Variants in TCERG1 observed in about 807,000 individuals in gnomAD.
The protein encoded by TCERG1 is transcription elongation regulator 1.
In TCERG1, 37 loss-of-function variants were observed where a neutral mutation model predicts 144.7. The ratio of observed to expected loss-of-function variants is 0.26; its 90% CI spans 0.20 to 0.34. The LOEUF (loss-of-function observed/expected upper bound fraction) is 0.34, where lower values mean the gene tolerates loss of function less well. Among genes scored for constraint, TCERG1 ranks in the 10% least tolerant of loss-of-function variants. The pLI, the probability that TCERG1 is intolerant of heterozygous loss-of-function variation, is 1.00. For synonymous variants in TCERG1, 492 were observed against 458.2 expected (o/e 1.07, Z -0.94); for missense variants, 1,027 against 1,380.7 (o/e 0.74, Z 4.06).
intron 1 of TCERG1, among the ~76,000 whole-genome samples, chr5:146,448,770 A>G (rs1762113216): frequency 6.6e-6 from 1 of 152,240 alleles, no homozygotes; most frequent in Non-Finnish European, 1.5e-5. Context: ...TACAGTATTA[A>G]TGAGTGATCA....
intron 15 of TCERG1, among the ~76,000 whole-genome samples, chr5:146,492,607 CTG>C (rs778446360): frequency 1.3e-5 from 2 of 152,104 alleles, no homozygotes; most frequent in African/African-American, 2.4e-5. Flanking sequence ...TTTGGGAAGA[CTG>C]TGATTTCTCT....
At chr5:146,484,786 C>G (rs1765675949) in intron 15 of TCERG1, among the ~76,000 whole-genome samples, 1 of 152,088 alleles carries the variant, frequency 6.6e-6, no homozygotes, top group Non-Finnish European at 1.5e-5. Context: ...AATCTATAAT[C>G]TACCTTCAAA....
At chr5:146,467,530 C>T (rs941540791) in intron 5 of TCERG1, among the ~76,000 whole-genome samples, 4 of 152,078 alleles carry the variant, frequency 2.6e-5, no homozygotes, top group African/African-American at 9.7e-5. Context: ...AGTCTTCATT[C>T]TTCTAAGAAC....
intron 2 of TCERG1, 99 bp downstream of exon 2, chr5:146,455,380 T>C: frequency 7.5e-7 from 1 of 1,331,148 alleles, no homozygotes; most frequent in Admixed American, 2.5e-5. Flanking sequence ...AGTTTCAGTT[T>C]ATAGGAAAAT....
At position 146,454,927 on chromosome 5, in the gene TCERG1, C is replaced by T. The variant is rs554020239; in HGVS notation, c.60-129C>T. The T allele has an allele frequency of 3.5e-5, 34 of 984,344 alleles. No homozygotes were observed. The South Asian group carries it at 5.7e-4, about 17-fold the overall frequency. The allele number at this position is 984,344 out of a possible 1,614,324, so 61.0% of individuals were successfully genotyped here. ...GATGTAGTTTTTATCATGACGGTTG[C>T]AAAATGATGACTTTCCAACTCCACT... On this transcript the variant is annotated intron_variant, in intron 1 of 22. Coordinates refer to ENST00000679501, the MANE Select transcript of TCERG1 (RefSeq NM_001382548.1).
chr5:146,469,707 A>C lies in TCERG1; in HGVS notation c.1362A>C (p.Glu454Asp). ...KTYYYNNRTL[E>D]STWEKPQELK... ...ATTATTATAATAATAGAACATTAGAATCAACCTGGGAAAAACCCCAAGAAC... is the reference window on the plus strand; with the variant it reads ...ATTATTATAATAATAGAACATTAGACTCAACCTGGGAAAAACCCCAAGAAC... The change falls in exon 7 of 23, where the codon GAA (glutamate) becomes GAC (aspartate). Residue 454 changes from glutamate (E) to aspartate (D), a missense_variant. Around this residue, in one of 6 missense-constraint regions of TCERG1, gnomAD observed 482 missense variants for 632.6 expected, o/e 0.76. Transcript: ENST00000679501. 6.2e-7 allele frequency: 1 copy of C among 1,610,440 alleles called. No homozygotes were observed.
chr5:146,501,887 CTTTTTTT>C (rs70998087), intron 17 of TCERG1, among the ~76,000 whole-genome samples: 70 of 73,428 alleles, frequency 9.5e-4, no homozygotes, highest in African/African-American at 3.0e-3. Flanking sequence ...ATCAACTTCA[CTTTTTTT>C]TTTTTTTTTT....
Position 146,498,620 on chromosome 5 carries a change from G to A in TCERG1, c.2367G>A (p.Leu789=). ...AAAAGATGAAAGACCGAGAAGCCTT[G>A]TTTAATGAGTTTGTGGCCGCTGCTA... ...AIEKMKDREA[L]FNEFVAAARK... The change falls in exon 17 of 23, where the codon TTG becomes TTA. Residue 789 remains leucine (L), a synonymous_variant. Coordinates refer to ENST00000679501, the MANE Select transcript of TCERG1 (RefSeq NM_001382548.1). The A allele has an allele frequency of 4.3e-6, 7 of 1,612,302 alleles. No homozygotes were observed. The highest frequency in any genetic ancestry group is 5.9e-6 in the Non-Finnish European group (7 of 1,179,234).
rs1033555787 is a variant in TCERG1, at chr5:146,456,854, C to T, written c.286-329C>T. ...AGAAGCTGTGGAGACAGTGATGTGC[C>T]TGGTATTAAAACAGGATATAAAAAT... On this transcript the variant is annotated intron_variant, in intron 2 of 22. Coordinates refer to ENST00000679501, the MANE Select transcript of TCERG1 (RefSeq NM_001382548.1). Among the ~76,000 whole-genome samples the T allele has an allele frequency of 4.6e-5, 7 of 152,152 alleles. No homozygotes were observed. The East Asian group carries it at 1.2e-3, about 25-fold the overall frequency.
chr5:146,510,481 G>A lies in TCERG1; in HGVS notation c.3187G>A (p.Asp1063Asn), dbSNP rs776471153. 6.2e-7 allele frequency: 1 copy of A among 1,614,066 alleles called. No individual in the cohort carries two copies. Among genetic ancestry groups the A allele is most frequent in the South Asian group, 1.1e-5 (1 of 91,076 alleles). The stretch of plus-strand genomic sequence containing the variant: ...CCAAGAATCAGATCAGCACCTGAAA[G>A]ATGTAGAAAAAATTTTACAGAATGA... ...LIQESDQHLK[D>N]VEKILQNDKR... Residue 1063 changes from aspartate (D) to asparagine (N), a missense_variant, in exon 23 of 23, where the codon GAT (aspartate) becomes AAT (asparagine). Transcript: ENST00000679501.
Position 146,468,412 on chromosome 5 carries a change from T to A in TCERG1, c.1198+9T>A, listed in dbSNP as rs1763983668. 1 of 1,610,980 alleles carries A rather than the reference T, an allele frequency of 6.2e-7. No homozygotes were observed. The highest frequency in any genetic ancestry group is 8.5e-7 in the Non-Finnish European group (1 of 1,178,536). On this transcript the variant is annotated intron_variant, in intron 6 of 22. Transcript: ENST00000679501. ...CGCTACCACCAAGACCGGTAATTTT[T>A]AAAACCATCTTAGTTTGTTTTGTCT... is the stretch of plus-strand genomic sequence containing the variant.
At chr5:146,506,409 T>TA (rs1489990813) in intron 19 of TCERG1, among the ~76,000 whole-genome samples, 1 of 152,220 alleles carries the variant, frequency 6.6e-6, no homozygotes, top group Non-Finnish European at 1.5e-5. Context: ...TGTATATACT[T>TA]ACGGGGTACA....
intron 9 of TCERG1, among the ~76,000 whole-genome samples, chr5:146,476,104 A>C (rs904569092): frequency 2.6e-5 from 4 of 152,086 alleles, no homozygotes; most frequent in African/African-American, 9.7e-5. Flanking sequence ...TCTCAGACCT[A>C]GACTGAGCCA....
rs1359419209 is a variant in TCERG1, at chr5:146,504,035, C to T, written c.2781+29C>T. On this transcript the variant is annotated intron_variant, in intron 19 of 22. Coordinates refer to ENST00000679501, the MANE Select transcript of TCERG1 (RefSeq NM_001382548.1). ...TACGTTAATCTTTTACTTTTTTTCTCTAAAGTACTGGATATTGGAAATTTA... is the reference window on the plus strand; with the variant it reads ...TACGTTAATCTTTTACTTTTTTTCTTTAAAGTACTGGATATTGGAAATTTA... The T allele has an allele frequency of 3.4e-6, 5 of 1,469,540 alleles. No homozygotes were observed. In the East Asian group the frequency reaches 9.4e-5, roughly 28 times the overall value. 91.0% of individuals were successfully genotyped at this position (1,469,540 alleles called of 1,614,324 possible). A position where few individuals can be genotyped will look rare whatever the true frequency, so the allele number is the denominator to read the frequency against.
rs542016417 is a variant in TCERG1 at position 146,482,832 on chromosome 5, G to A, written c.2073+105G>A. On this transcript the variant is annotated intron_variant, in intron 14 of 22. Transcript: ENST00000679501. Reference sequence around the variant, plus strand: ...AGGTTAGTGCTCATGTTATGGGGGGGGATAAGGGGATTTTTAAAATTACTG... The same window carrying A: ...AGGTTAGTGCTCATGTTATGGGGGGAGATAAGGGGATTTTTAAAATTACTG... 92 of 1,319,116 alleles carry A rather than the reference G, an allele frequency of 7.0e-5. No individual in the cohort carries two copies. In the African/African-American group the frequency reaches 1.3e-3, roughly 19 times the overall value. The allele number at this position is 1,319,116 out of a possible 1,614,324, so 81.7% of individuals were successfully genotyped here. A position where few individuals can be genotyped will look rare whatever the true frequency, so the allele number is the denominator to read the frequency against.
chr5:146,487,254 A>G (rs896802607), intron 15 of TCERG1, among the ~76,000 whole-genome samples: 1 of 152,176 alleles, frequency 6.6e-6, no homozygotes, highest in African/African-American at 2.4e-5. Flanking sequence ...ATTTAACCAA[A>G]CAAGTGAAAG....
intron 17 of TCERG1, chr5:146,500,117 G>T (rs1767295255): frequency 6.7e-6 from 1 of 150,232 alleles, no homozygotes. Context: ...ATTTTATTTT[G>T]GCTATAAAAA....
At chr5:146,508,140 G>A (rs1768170226) in intron 21 of TCERG1, among the ~76,000 whole-genome samples, 184 bp downstream of exon 21, 2 of 152,202 alleles carry the variant, frequency 1.3e-5, no homozygotes, top group South Asian at 4.1e-4. Context: ...TAGCAAGACA[G>A]CACAATAGAA....
rs767218228 is a variant in TCERG1, at chr5:146,507,251, G to T, written c.2961+44G>T. The T allele has an allele frequency of 6.7e-7, 1 of 1,494,934 alleles. No individual in the cohort carries two copies. Among genetic ancestry groups the T allele is most frequent in the Non-Finnish European group, 8.9e-7 (1 of 1,120,652 alleles). The allele number at this position is 1,494,934 out of a possible 1,614,324, so 92.6% of individuals were successfully genotyped here. A position where few individuals can be genotyped will look rare whatever the true frequency, so the allele number is the denominator to read the frequency against. ...TCTCATTTTAATCTGGATGAATCTT[G>T]TTAGTAATTTCTTAAAGCAAAGCAT... On this transcript the variant is annotated intron_variant, in intron 20 of 22. Coordinates refer to ENST00000679501, the MANE Select transcript of TCERG1 (RefSeq NM_001382548.1). The surrounding 1 kb of genome is among the most constrained non-coding windows in gnomAD (Gnocchi z 4.6).
Sources: allele counts gnomAD v4.1 joint callset (sites outside exome capture counted in the v4.1 genomes callset), GRCh38; gene constraint gnomAD v4.1.1; regional missense constraint gnomAD v4.1.1; non-coding constraint Gnocchi (gnomAD v3.1); transcripts MANE v1.5; gene names NCBI Gene and HGNC (gene_info 2026-07-23, HGNC 2026-07-21).